PHF2: variants seen among roughly 807,000 people sequenced by gnomAD.
PHF2 encodes lysine-specific demethylase PHF2.
A neutral mutation model predicts 120.5 loss-of-function variants in PHF2; 27 were observed. The observed-to-expected ratio is 0.22, with a 90% confidence interval of 0.17 to 0.31. The LOEUF (loss-of-function observed/expected upper bound fraction) is 0.31, where lower values mean the gene tolerates loss of function less well. Ranked by LOEUF, PHF2 falls within the 10% of genes least tolerant of loss-of-function variation. The probability of loss-of-function intolerance (pLI) is 1.00; values close to 1 mark genes in which losing one functional copy is unlikely to be tolerated. For missense variants in PHF2, 1,024 were observed against 1,434.8 expected, an observed-to-expected ratio of 0.71 and a Z score of 4.63; for synonymous variants, 568 against 592.5, an observed-to-expected ratio of 0.96 and a Z score of 0.60.
intron 1 of PHF2, 80 bp downstream of exon 1, chr9:93,576,951 G>C (rs1159258818): frequency 1.1e-5 from 6 of 536,040 alleles, no homozygotes; most frequent in Non-Finnish European, 1.4e-5. Flanking sequence ...CCCCGGCTGC[G>C]CGCCCGCAGG....
chr9:93,647,399 G>A (rs1353071072), intron 4 of PHF2, among the ~76,000 whole-genome samples: 1 of 152,158 alleles, frequency 6.6e-6, no homozygotes, highest in Non-Finnish European at 1.5e-5. Context: ...GCAGAAGCAG[G>A]GAGGAGATGG....
intron 1 of PHF2, among the ~76,000 whole-genome samples, chr9:93,620,194 C>T (rs185343785): frequency 1.5e-3 from 234 of 152,256 alleles, no homozygotes; most frequent in Non-Finnish European, 2.9e-3. Flanking sequence ...CAGAGGGCTC[C>T]AGCTCCTGTT....
In PHF2 at chr9:93,673,851, A is replaced by G. The variant is rs1388888472; in HGVS notation, c.2615A>G (p.Asp872Gly). 1.3e-6 allele frequency: 2 copies of G among 1,593,896 alleles called. No homozygotes were observed. Among genetic ancestry groups the G allele is most frequent in the Non-Finnish European group, 1.7e-6 (2 of 1,166,290 alleles). Residue 872 changes from aspartate (D) to glycine (G), a missense_variant, in exon 18 of 22, where the codon GAC becomes GGC. Around this residue, in one of 2 missense-constraint regions of PHF2, gnomAD observed 677 missense variants for 857.4 expected, o/e 0.79. Coordinates refer to ENST00000359246, the MANE Select transcript of PHF2 (RefSeq NM_005392.4). ...EQDHLDACFK[D>G]SDYVYPSLES... is the part of the protein sequence containing the mutation. ...GACCACCTGGATGCCTGCTTCAAGG[A>G]CTCAGACTACGGTGAGTGTCACTCC...
Position 93,675,753 on chromosome 9 carries a change from CG to C in PHF2, c.2799del (p.Leu934TrpfsTer26). 6.2e-7 allele frequency: 1 copy of C among 1,612,364 alleles called. No individual in the cohort carries two copies. Among genetic ancestry groups the C allele is most frequent in the Non-Finnish European group, 8.5e-7 (1 of 1,179,902 alleles). Reference protein sequence around the residue: ...EGTRVASIETGLAAAAAKLSQ... With the variant: ...EGTRVASIETXLAAAAAKLSQ... ...GTACACGGGTGGCTTCCATCGAGAC[CG>C]GGCTGGCGGCTGCTGCAGCTAAGTT... On this transcript the variant is annotated frameshift_variant, in exon 20 of 22. Coordinates refer to ENST00000359246, the MANE Select transcript of PHF2 (RefSeq NM_005392.4). LOFTEE classifies it high-confidence loss of function.
chr9:93,667,695 G>A (rs978357170), intron 17 of PHF2, among the ~76,000 whole-genome samples: 23 of 152,144 alleles, frequency 1.5e-4, no homozygotes, highest in Admixed American at 1.2e-3. Flanking sequence ...TGGGGAAACC[G>A]AGGCTCTGAG....
intron 1 of PHF2, among the ~76,000 whole-genome samples, chr9:93,581,930 C>T (rs573507450): frequency 2.0e-5 from 3 of 152,292 alleles, no homozygotes; most frequent in Admixed American, 2.0e-4. Context: ...GGGAGAATCT[C>T]ACTTTTGAAA....
rs543467955 is a variant in PHF2, at chr9:93,580,461, C to A, written c.98+3590C>A. Among the ~76,000 whole-genome samples the A allele has an allele frequency of 5.3e-5, 8 of 152,270 alleles. 1 individual carries two copies. Among genetic ancestry groups the A allele is most frequent in the African/African-American group, 1.9e-4 (8 of 41,562 alleles). The stretch of plus-strand genomic sequence containing the variant: ...CTGTGTTCCCTTGTGCCTGTGCCTT[C>A]CAACTGGAGGATGGAGACCAGGCCC... On this transcript the variant is annotated intron_variant, in intron 1 of 21. Transcript: ENST00000359246.
chr9:93,622,004 G>A lies in PHF2; in HGVS notation c.99-7966G>A, dbSNP rs375339658. ...TTGGGGACGTGCCCAACCACCTGGG[G>A]CATTTGGGGGCCTTTCCATGCACCA... is the stretch of plus-strand genomic sequence containing the variant. On this transcript the variant is annotated intron_variant, in intron 1 of 21. Transcript: ENST00000359246. Among the ~76,000 whole-genome samples the A allele has an allele frequency of 2.6e-5, 4 of 152,274 alleles. No homozygotes were observed. In the East Asian group the frequency reaches 7.7e-4, roughly 29 times the overall value.
intron 2 of PHF2, among the ~76,000 whole-genome samples, chr9:93,631,238 T>C (rs2131654058): frequency 6.6e-6 from 1 of 152,306 alleles, no homozygotes; most frequent in East Asian, 1.9e-4. Context: ...GGCTGCTCTT[T>C]CTTGGCCTCT....
Position 93,645,716 on chromosome 9 carries a change from C to G in PHF2, c.387C>G (p.Val129=). The G allele has an allele frequency of 6.2e-7, 1 of 1,612,620 alleles. No homozygotes were observed. Among genetic ancestry groups the G allele is most frequent in the Non-Finnish European group, 8.5e-7 (1 of 1,179,666 alleles). Residue 129 remains valine, a synonymous_variant, in exon 4 of 22, where the codon GTC becomes GTG. Coordinates refer to ENST00000359246, the MANE Select transcript of PHF2 (RefSeq NM_005392.4). The part of the protein sequence containing the change: ...EEHGFTEPIL[V]PKKDGLGLAV... ...ACGGCTTCACCGAGCCCATCCTCGT[C>G]CCTAAGAAAGACGGGCTGGGTCTGG...
At chr9:93,599,017 T>C (rs973173972) in intron 1 of PHF2, among the ~76,000 whole-genome samples, 6 of 152,114 alleles carry the variant, frequency 3.9e-5, no homozygotes, top group African/African-American at 1.4e-4. Flanking sequence ...AGACATGATG[T>C]CATTTATTGC....
intron 1 of PHF2, among the ~76,000 whole-genome samples, chr9:93,615,476 G>C (rs901727527): frequency 6.6e-6 from 1 of 152,198 alleles, no homozygotes; most frequent in African/African-American, 2.4e-5. Flanking sequence ...AGGCACTGTG[G>C]TAGGCATGGT....
intron 1 of PHF2, among the ~76,000 whole-genome samples, chr9:93,606,216 T>G (rs1437952316): frequency 6.6e-6 from 1 of 152,156 alleles, no homozygotes; most frequent in Non-Finnish European, 1.5e-5. Flanking sequence ...GCAATCCACC[T>G]GCCTCAGCTT....
chr9:93,591,271 T>C (rs979678487), intron 1 of PHF2, among the ~76,000 whole-genome samples: 9 of 152,242 alleles, frequency 5.9e-5, no homozygotes, highest in African/African-American at 2.2e-4. Context: ...AGATGCCAAA[T>C]GTGTATTATT....
rs1826246701 is a variant in PHF2 at position 93,645,741 on chromosome 9, G to T, written c.412G>T (p.Ala138Ser). 6.2e-7 allele frequency: 1 copy of T among 1,610,852 alleles called. No homozygotes were observed. ...LVPKKDGLGL[A>S]VPAPTFYVSD... Reference sequence around the variant, plus strand: ...CCCTAAGAAAGACGGGCTGGGTCTGGCTGTCCCGGCCCCCACGTTCTATGT... The same window carrying T: ...CCCTAAGAAAGACGGGCTGGGTCTGTCTGTCCCGGCCCCCACGTTCTATGT... Residue 138 changes from alanine (A) to serine (S), a missense_variant, in exon 4 of 22, where the codon GCT becomes TCT. Ala to Ser is a moderately conservative substitution (Grantham distance 99). This residue lies in a region of PHF2 where 347 missense variants were observed against 577.4 expected (regional missense o/e 0.60). Coordinates refer to ENST00000359246, the MANE Select transcript of PHF2 (RefSeq NM_005392.4).
At chr9:93,624,617 AGATGAT>A (rs138022603) in intron 1 of PHF2, among the ~76,000 whole-genome samples, 1 of 146,932 alleles carries the variant, frequency 6.8e-6, no homozygotes, top group Non-Finnish European at 1.5e-5. Context: ...ATAGTGGTTG[AGATGAT>A]GATGATAATG....
chr9:93,662,322 GATGAATTAATGA>G (rs563553928), intron 12 of PHF2, among the ~76,000 whole-genome samples: 14 of 151,896 alleles, frequency 9.2e-5, no homozygotes, highest in African/African-American at 3.1e-4. Flanking sequence ...TGGATGGGTG[GATGAATTAATGA>G]ATGAACAAAT....
At position 93,674,586 on chromosome 9, in the gene PHF2, A is replaced by G. The variant is rs954678381; in HGVS notation, c.2627-341A>G. 3.3e-5 allele frequency among the ~76,000 whole-genome samples: 5 copies of G among 152,250 alleles called. No individual in the cohort carries two copies. The East Asian group carries it at 9.7e-4, about 29-fold the overall frequency. On this transcript the variant is annotated intron_variant, in intron 18 of 21. Coordinates refer to ENST00000359246, the MANE Select transcript of PHF2 (RefSeq NM_005392.4). ...CCAGGTGGGGCCTCTGGGGATCTCAAGCTCCATGAACAGATGTACGGAGGG... is the reference window on the plus strand; with the variant it reads ...CCAGGTGGGGCCTCTGGGGATCTCAGGCTCCATGAACAGATGTACGGAGGG...
chr9:93,673,717 C>T lies in PHF2; in HGVS notation c.2481C>T (p.Ala827=). The change falls in exon 18 of 22, where the codon GCC becomes GCT. Residue 827 remains alanine, a synonymous_variant. Transcript: ENST00000359246. ...AGQAKGSSLA[A]HGARKNGGGS... ...AGGCCAAGGGGAGCTCGCTGGCTGCCCATGGTGCCCGGAAGAATGGGGGTG... is the reference window on the plus strand; with the variant it reads ...AGGCCAAGGGGAGCTCGCTGGCTGCTCATGGTGCCCGGAAGAATGGGGGTG... 1 of 1,613,314 alleles carries T rather than the reference C, an allele frequency of 6.2e-7. No homozygotes were observed. Among genetic ancestry groups the T allele is most frequent in the South Asian group, 1.1e-5 (1 of 91,056 alleles).
Sources: allele counts gnomAD v4.1 joint callset (sites outside exome capture counted in the v4.1 genomes callset), GRCh38; gene constraint gnomAD v4.1.1; regional missense constraint gnomAD v4.1.1; transcripts MANE v1.5; gene names NCBI Gene and HGNC (gene_info 2026-07-23, HGNC 2026-07-21).